The following CLMP variants were observed in gnomAD, a reference collection of about 807,000 sequenced individuals.
CLMP encodes the protein CXADR-like membrane protein.
CLMP carries 27 observed loss-of-function variants against 45.2 expected under a neutral mutation model. The ratio of observed to expected loss-of-function variants is 0.60; its 90% CI spans 0.44 to 0.82. CLMP has a LOEUF of 0.82. CLMP is among the 40% of genes least tolerant of loss of function. The probability of loss-of-function intolerance (pLI) is 0.00; values close to 1 mark genes in which losing one functional copy is unlikely to be tolerated. For synonymous variants in CLMP, 167 were observed against 171.4 expected (o/e 0.97, Z 0.20); for missense variants, 403 against 448.4 (o/e 0.90, Z 0.91).
At position 123,135,989 on chromosome 11, in the gene CLMP, T is replaced by A. The variant is rs1047048590; in HGVS notation, c.29-38037A>T. The A allele has an allele frequency of 5.3e-6, 3 of 563,544 alleles. No individual in the cohort carries two copies. The Admixed American group carries it at 5.9e-5, about 11-fold the overall frequency. The allele number at this position is 563,544 out of a possible 1,614,324, so 34.9% of individuals were successfully genotyped here. On this transcript the variant is annotated intron_variant, in intron 1 of 6. Coordinates refer to ENST00000448775, the MANE Select transcript of CLMP (RefSeq NM_024769.5). The stretch of plus-strand genomic sequence containing the variant: ...GTATCACAATGTGCTGCTTGATAAA[T>A]TCTATTGCTTCTTCAATTAAATTGT...
At chr11:123,120,142 T>C (rs1010338412) in intron 1 of CLMP, among the ~76,000 whole-genome samples, 3 of 152,204 alleles carry the variant, frequency 2.0e-5, no homozygotes, top group African/African-American at 7.2e-5. Flanking sequence ...ATAATTCTGC[T>C]GAGTTCAGTG....
At chr11:123,142,452 A>C (rs1249122121) in intron 1 of CLMP, among the ~76,000 whole-genome samples, 2 of 152,164 alleles carry the variant, frequency 1.3e-5, no homozygotes, top group Non-Finnish European at 2.9e-5. Context: ...GCCTAAGATC[A>C]GGGCAGTTTC....
intron 1 of CLMP, 152 bp downstream of exon 1, chr11:123,194,761 G>A: frequency 1.1e-6 from 1 of 915,696 alleles, no homozygotes. Flanking sequence ...TCGGTTGCCA[G>A]ATGTGCTCCT....
chr11:123,120,973 A>G (rs1860808406), intron 1 of CLMP, among the ~76,000 whole-genome samples: 1 of 151,846 alleles, frequency 6.6e-6, no homozygotes, highest in African/African-American at 2.4e-5. Context: ...AAAACTACAA[A>G]AAATTAGCTG....
chr11:123,083,353 G>C (rs1477234926), intron 4 of CLMP, 146 bp from the exon 5 acceptor site: 4 of 896,350 alleles, frequency 4.5e-6, no homozygotes. Context: ...GGGAACATGA[G>C]AAGAAAGGTA....
chr11:123,103,599 G>A (rs1022116826), intron 1 of CLMP, among the ~76,000 whole-genome samples: 4 of 152,116 alleles, frequency 2.6e-5, no homozygotes, highest in Non-Finnish European at 5.9e-5. Flanking sequence ...AGATCAGGGC[G>A]CATACACTTC....
At chr11:123,107,018 C>G (rs75981556) in intron 1 of CLMP, among the ~76,000 whole-genome samples, 1 of 126,694 alleles carries the variant, frequency 7.9e-6, no homozygotes, top group Non-Finnish European at 1.7e-5. Context: ...GACTCCGTCT[C>G]AAAAAAAAAA....
At chr11:123,170,383 C>T (rs983475923) in intron 1 of CLMP, among the ~76,000 whole-genome samples, 2 of 151,300 alleles carry the variant, frequency 1.3e-5, no homozygotes, top group African/African-American at 2.4e-5. Flanking sequence ...TCCTCAATAA[C>T]GATCTGTGGA....
chr11:123,118,946 T>C (rs556407149), intron 1 of CLMP, among the ~76,000 whole-genome samples: 20 of 20,796 alleles, frequency 9.6e-4, no homozygotes, highest in Middle Eastern at 0.019. Context: ...TCTTTCTTTC[T>C]TTCTTTCTTT....
In CLMP at chr11:123,074,686, G is replaced by C. The variant is rs201041176; in HGVS notation, c.821+16C>G. 44 of 1,613,008 alleles carry C rather than the reference G, an allele frequency of 2.7e-5. No individual in the cohort carries two copies. The highest frequency in any genetic ancestry group is 3.6e-5 in the Non-Finnish European group (42 of 1,179,254). On this transcript the variant is annotated intron_variant, in intron 6 of 6. Transcript: ENST00000448775. Reference sequence around the variant, plus strand: ...AAAACAGAAGCCCCGTAAAAGTAGGGATGTGGGAGGTTTACCGAATTTCAT... The same window carrying C: ...AAAACAGAAGCCCCGTAAAAGTAGGCATGTGGGAGGTTTACCGAATTTCAT...
At chr11:123,085,276 T>A (rs1865850642) in intron 2 of CLMP, among the ~76,000 whole-genome samples, 1 of 151,452 alleles carries the variant, frequency 6.6e-6, no homozygotes, top group Non-Finnish European at 1.5e-5. Flanking sequence ...TTTGAGACAG[T>A]CTCGCTCCGT....
At chr11:123,133,182 A>G (rs867696688) in intron 1 of CLMP, among the ~76,000 whole-genome samples, 3 of 152,274 alleles carry the variant, frequency 2.0e-5, no homozygotes, top group South Asian at 2.1e-4. Context: ...CACAGGCTCT[A>G]ATGACTGGAA....
intron 5 of CLMP, among the ~76,000 whole-genome samples, chr11:123,078,521 A>G (rs1210594116): frequency 6.6e-6 from 1 of 152,140 alleles, no homozygotes; most frequent in Non-Finnish European, 1.5e-5. Context: ...ATCTCGGCTC[A>G]CTGCAACTTC....
chr11:123,174,941 G>A (rs1370955002), intron 1 of CLMP, among the ~76,000 whole-genome samples: 1 of 152,094 alleles, frequency 6.6e-6, no homozygotes, highest in Non-Finnish European at 1.5e-5. Flanking sequence ...GCTCTCTATT[G>A]CAAAAGTGGT....
intron 1 of CLMP, among the ~76,000 whole-genome samples, chr11:123,136,716 T>G (rs1480309179): frequency 6.6e-6 from 1 of 151,170 alleles, no homozygotes; most frequent in Admixed American, 6.6e-5. Flanking sequence ...TACAGGCACA[T>G]GCCACCCTGC....
At chr11:123,086,458 A>C (rs1012948445) in intron 2 of CLMP, among the ~76,000 whole-genome samples, 2 of 152,216 alleles carry the variant, frequency 1.3e-5, no homozygotes, top group Non-Finnish European at 2.9e-5. Context: ...TTTCAGCTGC[A>C]GCTGTTCCAA....
rs1244444026 is a variant in CLMP at position 123,123,324 on chromosome 11, A to G, written c.29-25372T>C. Reference sequence around the variant, plus strand: ...ACTCAGGTTGGAGTGCAGTGGTGTGATCTTGGCTCACTGCAGCCTCCACCT... The same window carrying G: ...ACTCAGGTTGGAGTGCAGTGGTGTGGTCTTGGCTCACTGCAGCCTCCACCT... On this transcript the variant is annotated intron_variant, in intron 1 of 6. Coordinates refer to ENST00000448775, the MANE Select transcript of CLMP (RefSeq NM_024769.5). Among the ~76,000 whole-genome samples the G allele has an allele frequency of 5.5e-5, 7 of 126,972 alleles. No individual in the cohort carries two copies. The Admixed American group carries it at 5.7e-4, about 10-fold the overall frequency. 83.3% of individuals were successfully genotyped at this position (126,972 alleles called of 152,430 possible).
chr11:123,129,868 C>T (rs936244399), intron 1 of CLMP, among the ~76,000 whole-genome samples: 10 of 151,096 alleles, frequency 6.6e-5, no homozygotes, highest in Non-Finnish European at 1.3e-4. Context: ...CTTTCAGAAA[C>T]GGTGTTTCAC....
Position 123,123,899 on chromosome 11 carries a change from A to T in CLMP, c.29-25947T>A, listed in dbSNP as rs563445082. On this transcript the variant is annotated intron_variant, in intron 1 of 6. Transcript: ENST00000448775. ...ATAAATGATGAAAATCAGTGCAGGA[A>T]ATGAGACATGAGAGACAAATGGAGG... 2.0e-5 allele frequency among the ~76,000 whole-genome samples: 3 copies of T among 152,318 alleles called. No individual in the cohort carries two copies. In the South Asian group the frequency reaches 6.2e-4, roughly 32 times the overall value.
Sources: gnomAD v4.1 joint callset for allele counts (sites outside exome capture counted in the v4.1 genomes callset) on GRCh38, gnomAD v4.1.1 for gene constraint, MANE v1.5 for transcripts, NCBI Gene and HGNC (gene_info 2026-07-23, HGNC 2026-07-21) for gene names.